The following LRRK2 variants were observed in gnomAD, a reference collection of about 807,000 sequenced individuals.
LRRK2 encodes the protein leucine-rich repeat serine/threonine-protein kinase 2.
Under a neutral mutation model 302.6 loss-of-function variants are expected in LRRK2, and 203 were observed. The ratio of observed to expected loss-of-function variants is 0.67; its 90% CI spans 0.60 to 0.75. The LOEUF (loss-of-function observed/expected upper bound fraction) is 0.75. Among genes scored for constraint, LRRK2 ranks in the 30% least tolerant of loss-of-function variants. The pLI is 0.00. For synonymous variants in LRRK2, 1,066 were observed against 1,031.9 expected (o/e 1.03, Z -0.63); for missense variants, 2,830 against 2,951.0 (o/e 0.96, Z 0.95).
In LRRK2 at chr12:40,295,383, A is replaced by G. The variant is rs182061057; in HGVS notation, c.2879-44A>G. The G allele has an allele frequency of 6.9e-4, 1,088 of 1,567,180 alleles. 16 individuals are homozygous for G. In the Admixed American group the frequency reaches 0.017, roughly 25 times the overall value. On this transcript the variant is annotated intron_variant, in intron 22 of 50. Coordinates refer to ENST00000298910, the MANE Select transcript of LRRK2 (RefSeq NM_198578.4). ...CTAAACTTTTACTACATGAATTTAA[A>G]TTATTTGCTTATATTTCCATTGTTT...
intron 14 of LRRK2, among the ~76,000 whole-genome samples, chr12:40,269,388 A>T (rs1165220878): frequency 2.0e-5 from 3 of 152,096 alleles, no homozygotes; most frequent in Non-Finnish European, 4.4e-5. Context: ...TTGTAAATGG[A>T]GGGAATAGCT....
At chr12:40,261,128 A>G (rs533255539) in intron 13 of LRRK2, among the ~76,000 whole-genome samples, 2 of 152,262 alleles carry the variant, frequency 1.3e-5, no homozygotes, top group East Asian at 3.9e-4. Context: ...CTTAGTTTTG[A>G]GACGTAATGT....
At chr12:40,359,154 TA>T in intron 46 of LRRK2, 105 bp from the exon 47 acceptor site, 1 of 938,106 alleles carries the variant, frequency 1.1e-6, no homozygotes, top group Non-Finnish European at 1.6e-6. Context: ...TTAATATCTC[TA>T]ATCATTTAAG....
intron 38 of LRRK2, among the ~76,000 whole-genome samples, chr12:40,323,552 A>G (rs923985692): frequency 5.3e-5 from 8 of 152,118 alleles, no homozygotes; most frequent in Admixed American, 2.6e-4. Flanking sequence ...AGAAATATTT[A>G]TGAAATATAT....
At chr12:40,340,494 T>C in intron 41 of LRRK2, 40 bp downstream of exon 41, 1 of 1,607,004 alleles carries the variant, frequency 6.2e-7, no homozygotes, top group African/African-American at 1.3e-5. Flanking sequence ...ATCTTCAGGA[T>C]GGATAACCAC....
intron 41 of LRRK2, among the ~76,000 whole-genome samples, chr12:40,344,989 C>T (rs545629517): frequency 1.3e-3 from 194 of 152,202 alleles, no homozygotes; most frequent in Middle Eastern, 3.4e-3. Flanking sequence ...TCCATCCTTC[C>T]AACTCTTCAT....
intron 33 of LRRK2, among the ~76,000 whole-genome samples, chr12:40,316,978 C>T (rs1425435407): frequency 1.3e-5 from 2 of 152,148 alleles, no homozygotes; most frequent in Non-Finnish European, 1.5e-5. Flanking sequence ...CACTATGGAA[C>T]ACTTGAAGTT....
chr12:40,298,377 T>C lies in LRRK2; in HGVS notation c.3231T>C (p.Asp1077=). The C allele has an allele frequency of 6.2e-7, 1 of 1,613,950 alleles. No individual in the cohort carries two copies. The highest frequency in any genetic ancestry group is 8.5e-7 in the Non-Finnish European group (1 of 1,179,972). The change falls in exon 24 of 51, where the codon GAT becomes GAC. Residue 1077 remains aspartate (D), a synonymous_variant. Transcript: ENST00000298910. ...RNDIGPSVVL[D]PTVKCPTLKQ... is the part of the protein sequence containing the mutation. ...ACATTGGACCCTCAGTGGTTTTAGA[T>C]CCTACAGTGAAATGTCCAACTCTGA...
intron 2 of LRRK2, among the ~76,000 whole-genome samples, chr12:40,228,102 C>T (rs4567538): frequency 0.32 from 48,489 of 151,960 alleles, 8,122 homozygotes; most frequent in Middle Eastern, 0.44. Flanking sequence ...ATATACCCAG[C>T]GATGAGATTA....
chr12:40,322,140 CAG>C lies in LRRK2; in HGVS notation c.5281_5282del (p.Ser1761PhefsTer10), dbSNP rs1255354702. 6.2e-7 allele frequency: 1 copy of C among 1,612,464 alleles called. No individual in the cohort carries two copies. Among genetic ancestry groups the C allele is most frequent in the Non-Finnish European group, 8.5e-7 (1 of 1,179,176 alleles). On this transcript the variant is annotated frameshift_variant, in exon 36 of 51. Coordinates refer to ENST00000298910, the MANE Select transcript of LRRK2 (RefSeq NM_198578.4). LOFTEE classifies it high-confidence loss of function. ...GGATCTGAAGTCTTAGACAATCATC[CAG>C]AGAGTTTCTTAAAAATTACAGTTCC...
At chr12:40,331,390 G>A (rs553596294) in intron 39 of LRRK2, among the ~76,000 whole-genome samples, 1 of 152,280 alleles carries the variant, frequency 6.6e-6, no homozygotes, top group South Asian at 2.1e-4. Flanking sequence ...AAGGAAGGCA[G>A]GCTTTGCTCT....
Sources: gnomAD v4.1 joint callset for allele counts (sites outside exome capture counted in the v4.1 genomes callset) on GRCh38, gnomAD v4.1.1 for gene constraint, MANE v1.5 for transcripts, NCBI Gene and HGNC (gene_info 2026-07-23, HGNC 2026-07-21) for gene names.